The following PTPRK variants were observed in gnomAD, a reference collection of about 807,000 sequenced individuals.
PTPRK encodes protein tyrosine phosphatase receptor type K.
PTPRK carries 75 observed loss-of-function variants against 178.0 expected under a neutral mutation model. The ratio of observed to expected loss-of-function variants is 0.42; its 90% CI spans 0.35 to 0.51. PTPRK has a LOEUF of 0.51. Among genes scored for constraint, PTPRK ranks in the 20% least tolerant of loss-of-function variants. The pLI is 0.02. For missense variants in PTPRK, 1,441 were observed against 1,797.8 expected (o/e 0.80, Z 3.59); for synonymous variants, 637 against 620.6 (o/e 1.03, Z -0.39).
intron 1 of PTPRK, among the ~76,000 whole-genome samples, chr6:128,493,195 C>T (rs900024800): frequency 2.6e-5 from 4 of 152,300 alleles, no homozygotes; most frequent in Middle Eastern, 3.4e-3. Context: ...CCAAAATTCA[C>T]TAAAAACTGG....
Position 128,338,631 on chromosome 6 carries a change from C to T in PTPRK, c.224-16321G>A, listed in dbSNP as rs148549423. ...AGACAACATTCTCCCAACACTCAGG[C>T]TAGGTCCTGTGCTTTGCTGCCCCTG... On this transcript the variant is annotated intron_variant, in intron 2 of 29. Transcript: ENST00000368226. Among the ~76,000 whole-genome samples the T allele has an allele frequency of 7.3e-5, 11 of 151,520 alleles. 1 individual carries two copies. The East Asian group carries it at 2.2e-3, about 30-fold the overall frequency.
At chr6:128,436,293 A>G (rs945189204) in intron 1 of PTPRK, among the ~76,000 whole-genome samples, 2 of 152,214 alleles carry the variant, frequency 1.3e-5, no homozygotes, top group Non-Finnish European at 2.9e-5. Flanking sequence ...TATACTAACA[A>G]GTAAAATAAT....
intron 25 of PTPRK, among the ~76,000 whole-genome samples, chr6:127,978,790 T>C (rs1189134895): frequency 6.6e-6 from 1 of 152,148 alleles, no homozygotes; most frequent in Non-Finnish European, 1.5e-5. Context: ...CAGGAACATA[T>C]GTAAGGCTTT....
At chr6:128,234,953 T>C (rs1184719430) in intron 5 of PTPRK, among the ~76,000 whole-genome samples, 5 of 152,202 alleles carry the variant, frequency 3.3e-5, no homozygotes, top group Admixed American at 6.5e-5. Flanking sequence ...AGTAGCACCA[T>C]AGGGTGACTA....
chr6:128,313,093 A>G (rs527903512), intron 3 of PTPRK, among the ~76,000 whole-genome samples: 4 of 152,246 alleles, frequency 2.6e-5, no homozygotes, highest in Admixed American at 2.0e-4. Context: ...CATCACCAAT[A>G]TACAGTCTGG....
chr6:128,445,519 A>C (rs2128402671), intron 1 of PTPRK, among the ~76,000 whole-genome samples: 1 of 150,424 alleles, frequency 6.6e-6, no homozygotes, highest in African/African-American at 2.4e-5. Flanking sequence ...CTTACATATA[A>C]AGTATATGTA....
chr6:127,986,528 G>A (rs761695326), intron 21 of PTPRK, among the ~76,000 whole-genome samples: 2 of 152,162 alleles, frequency 1.3e-5, no homozygotes, highest in Non-Finnish European at 2.9e-5. Context: ...CTCTCCTATT[G>A]GGTTAATTTA....
intron 1 of PTPRK, among the ~76,000 whole-genome samples, chr6:128,461,037 G>T (rs1262697731): frequency 6.6e-6 from 1 of 152,092 alleles, no homozygotes; most frequent in African/African-American, 2.4e-5. Flanking sequence ...AAGCTGGAAA[G>T]AAATTATTTT....
intron 3 of PTPRK, among the ~76,000 whole-genome samples, chr6:128,299,011 C>CT (rs1209849080): frequency 3.9e-5 from 6 of 152,234 alleles, no homozygotes; most frequent in African/African-American, 1.4e-4. Flanking sequence ...TGATAAGCAA[C>CT]TTCAGCGAAG....
At chr6:128,155,114 C>T (rs1228887810) in intron 7 of PTPRK, among the ~76,000 whole-genome samples, 1 of 151,716 alleles carries the variant, frequency 6.6e-6, no homozygotes, top group Non-Finnish European at 1.5e-5. Context: ...GAAAGTCCTA[C>T]ATTCTAGATT....
intron 3 of PTPRK, among the ~76,000 whole-genome samples, chr6:128,262,085 C>T (rs1477718377): frequency 3.9e-5 from 6 of 152,142 alleles, no homozygotes; most frequent in Non-Finnish European, 8.8e-5. Context: ...TCAGGCAATG[C>T]TGTATGGCTT....
Position 128,067,606 on chromosome 6 carries a change from A to G in PTPRK, c.2070T>C (p.Asn690=), listed in dbSNP as rs1782038073. 6.2e-7 allele frequency: 1 copy of G among 1,613,234 alleles called. No individual in the cohort carries two copies. The highest frequency in any genetic ancestry group is 8.5e-7 in the Non-Finnish European group (1 of 1,179,462). Residue 690 remains asparagine, a synonymous_variant, in exon 12 of 30, where the codon AAT becomes AAC. Coordinates refer to ENST00000368226, the MANE Select transcript of PTPRK (RefSeq NM_002844.4). ...GGTTCCAAAAGCCTTGGTAGGTCCG[A>G]TTGTCACCCACAGTGAACGGGGCAG... ...PEPAPFTVGD[N]RTYQGFWNPP... is the part of the protein sequence containing the mutation.
At chr6:128,336,833 T>A (rs1830999276) in intron 2 of PTPRK, among the ~76,000 whole-genome samples, 1 of 152,188 alleles carries the variant, frequency 6.6e-6, no homozygotes, top group Admixed American at 6.5e-5. Context: ...ATTGCTTCAG[T>A]GATGGTGACA....
chr6:128,134,740 G>A (rs553216521), intron 7 of PTPRK, among the ~76,000 whole-genome samples: 1 of 152,206 alleles, frequency 6.6e-6, no homozygotes, highest in East Asian at 1.9e-4. Context: ...GAGCCCAAGA[G>A]GTCGAGGCTG....
At chr6:128,256,061 T>C (rs1817249144) in intron 3 of PTPRK, among the ~76,000 whole-genome samples, 1 of 152,214 alleles carries the variant, frequency 6.6e-6, no homozygotes, top group Non-Finnish European at 1.5e-5. Flanking sequence ...ATGGAGTGTC[T>C]AATATTTGCT....
intron 2 of PTPRK, among the ~76,000 whole-genome samples, chr6:128,373,242 G>A (rs1270825642): frequency 5.3e-5 from 8 of 152,252 alleles, no homozygotes; most frequent in Middle Eastern, 3.4e-3. Context: ...GCAAAGCTGC[G>A]TTAGTTCACA....
chr6:127,987,282 A>T (rs1342711537), intron 21 of PTPRK, among the ~76,000 whole-genome samples: 1 of 151,572 alleles, frequency 6.6e-6, no homozygotes, highest in African/African-American at 2.4e-5. Flanking sequence ...CAAGAAAAAA[A>T]AATCCAATGA....
intron 2 of PTPRK, among the ~76,000 whole-genome samples, chr6:128,323,068 C>T (rs956213418): frequency 6.6e-6 from 1 of 152,000 alleles, no homozygotes; most frequent in Non-Finnish European, 1.5e-5. Context: ...CTACAAGAAA[C>T]CCAGTTTAAA....
At position 128,005,110 on chromosome 6, in the gene PTPRK, A is replaced by G. The variant is rs1778268097; in HGVS notation, c.2468T>C (p.Met823Thr). The change falls in exon 15 of 30, where the codon ATG becomes ACG. Residue 823 changes from methionine (M) to threonine (T), a missense_variant. By Grantham distance (81) the Met-to-Thr change is moderately conservative. Around this residue, in one of 4 missense-constraint regions of PTPRK, gnomAD observed 945 missense variants for 1,080.6 expected, o/e 0.87. Transcript: ENST00000368226. ...HAEDPLSITF[M>T]DQHNFSPRYE... ...TCTTGGACTAAAGTTATGTTGGTCC[A>G]TGAAGGTGATGGAAAGAGGATCTTC... is the stretch of plus-strand genomic sequence containing the variant. 6 of 1,610,164 alleles carry G rather than the reference A, an allele frequency of 3.7e-6. No individual in the cohort carries two copies. The highest frequency in any genetic ancestry group is 5.1e-6 in the Non-Finnish European group (6 of 1,177,636).
Sources: gnomAD v4.1 joint callset for allele counts (sites outside exome capture counted in the v4.1 genomes callset) on GRCh38, gnomAD v4.1.1 for gene constraint, gnomAD v4.1.1 regional missense constraint, MANE v1.5 for transcripts, NCBI Gene and HGNC (gene_info 2026-07-23, HGNC 2026-07-21) for gene names.